The following CNTNAP5 variants were observed in gnomAD, a reference collection of about 807,000 sequenced individuals.
CNTNAP5 encodes contactin-associated protein-like 5.
In CNTNAP5, 72 loss-of-function variants were observed where a neutral mutation model predicts 150.2. The ratio of observed to expected loss-of-function variants is 0.48; its 90% CI spans 0.40 to 0.58. The LOEUF (loss-of-function observed/expected upper bound fraction) is 0.58, where lower values mean the gene tolerates loss of function less well. Ranked by LOEUF, CNTNAP5 falls within the 20% of genes least tolerant of loss-of-function variation. CNTNAP5 has a pLI of 0.00. For synonymous variants in CNTNAP5, 672 were observed against 619.8 expected (o/e 1.08, Z -1.25); for missense variants, 1,636 against 1,626.2 (o/e 1.01, Z -0.10).
intron 3 of CNTNAP5, among the ~76,000 whole-genome samples, chr2:124,410,762 C>A (rs1477330511): frequency 6.6e-6 from 1 of 150,462 alleles, no homozygotes; most frequent in East Asian, 2.0e-4. Context: ...CACTAAATGC[C>A]CACAAGAGAA....
chr2:124,548,993 C>T (rs1031033468), intron 10 of CNTNAP5, among the ~76,000 whole-genome samples: 66 of 152,188 alleles, frequency 4.3e-4, no homozygotes, highest in African/African-American at 1.5e-3. Context: ...AGGGGATGGT[C>T]TCAGACCAGC....
chr2:124,265,166 C>T (rs796449251), intron 3 of CNTNAP5, among the ~76,000 whole-genome samples: 1 of 152,190 alleles, frequency 6.6e-6, no homozygotes, highest in East Asian at 1.9e-4. Context: ...CTCACACTGT[C>T]ACTTCCCCAC....
intron 11 of CNTNAP5, among the ~76,000 whole-genome samples, chr2:124,583,352 A>G (rs1031811564): frequency 1.3e-5 from 2 of 152,238 alleles, no homozygotes; most frequent in African/African-American, 4.8e-5. Context: ...ATATGGTTAT[A>G]TGCTACCAAT....
intron 10 of CNTNAP5, among the ~76,000 whole-genome samples, chr2:124,553,855 C>T (rs975568961): frequency 2.0e-5 from 3 of 152,112 alleles, no homozygotes; most frequent in African/African-American, 7.2e-5. Context: ...CCAGGGTCAG[C>T]TCCCGGGCAT....
chr2:124,034,849 G>A (rs1395660476), intron 1 of CNTNAP5, among the ~76,000 whole-genome samples: 1 of 152,152 alleles, frequency 6.6e-6, no homozygotes, highest in African/African-American at 2.4e-5. Context: ...AGTTGAGAGA[G>A]CCACATTACC....
At chr2:124,130,991 A>G (rs1240788392) in intron 1 of CNTNAP5, among the ~76,000 whole-genome samples, 1 of 152,190 alleles carries the variant, frequency 6.6e-6, no homozygotes, top group East Asian at 1.9e-4. Context: ...TCTGAGAAGA[A>G]TATTCACATA....
chr2:124,114,816 G>C lies in CNTNAP5; in HGVS notation c.82+89084G>C, dbSNP rs560925382. The stretch of plus-strand genomic sequence containing the variant: ...ATATTTGCAATATACCAAACATATG[G>C]ATATATATATTATATGTACATATAT... On this transcript the variant is annotated intron_variant, in intron 1 of 23. Coordinates refer to ENST00000682447, the MANE Select transcript of CNTNAP5 (RefSeq NM_001367498.1). 8.6e-5 allele frequency among the ~76,000 whole-genome samples: 13 copies of C among 151,220 alleles called. No homozygotes were observed. In the East Asian group the frequency reaches 2.5e-3, roughly 29 times the overall value.
At chr2:124,773,448 C>A (rs1257955249) in intron 17 of CNTNAP5, among the ~76,000 whole-genome samples, 1 of 152,138 alleles carries the variant, frequency 6.6e-6, no homozygotes, top group Admixed American at 6.6e-5. Context: ...TATAGTTGAA[C>A]CATTTTAAAG....
chr2:124,600,773 GAGAGAA>G (rs1429613798), intron 11 of CNTNAP5, among the ~76,000 whole-genome samples: 35 of 148,892 alleles, frequency 2.4e-4, no homozygotes, highest in East Asian at 8.1e-4. Context: ...GAGAGAAAGA[GAGAGAA>G]AGAGAGAAGC....
intron 19 of CNTNAP5, among the ~76,000 whole-genome samples, chr2:124,849,085 T>A (rs1485307075): frequency 5.3e-5 from 8 of 152,310 alleles, no homozygotes; most frequent in African/African-American, 1.9e-4. Flanking sequence ...TAAGGAGTTT[T>A]TCCTCCATGT....
intron 6 of CNTNAP5, among the ~76,000 whole-genome samples, chr2:124,456,311 CAATA>C (rs747992261): frequency 2.0e-5 from 3 of 151,674 alleles, no homozygotes; most frequent in Admixed American, 2.0e-4. Flanking sequence ...ACAATAACTG[CAATA>C]AATAAATAAA....
intron 12 of CNTNAP5, among the ~76,000 whole-genome samples, chr2:124,618,430 G>A (rs1677536309): frequency 6.6e-6 from 1 of 152,128 alleles, no homozygotes; most frequent in South Asian, 2.1e-4. Context: ...GGAATTTATA[G>A]TGTAGGGACT....
intron 5 of CNTNAP5, among the ~76,000 whole-genome samples, chr2:124,442,975 C>G (rs989652440): frequency 1.3e-5 from 2 of 152,026 alleles, no homozygotes; most frequent in African/African-American, 4.8e-5. Flanking sequence ...TAAAGGCACT[C>G]CTAGGCATTT....
chr2:124,160,416 A>C (rs1172590168), intron 1 of CNTNAP5, among the ~76,000 whole-genome samples: 2 of 151,590 alleles, frequency 1.3e-5, no homozygotes, highest in Admixed American at 1.3e-4. Context: ...GATAACATTA[A>C]GGTGATCAGA....
intron 3 of CNTNAP5, among the ~76,000 whole-genome samples, chr2:124,303,010 T>G (rs1688602365): frequency 6.6e-6 from 1 of 152,218 alleles, no homozygotes; most frequent in Non-Finnish European, 1.5e-5. Context: ...TTTGCCTACA[T>G]AAAGGGACAA....
chr2:124,164,781 G>C (rs535158689), intron 1 of CNTNAP5, among the ~76,000 whole-genome samples: 6 of 152,274 alleles, frequency 3.9e-5, no homozygotes, highest in Non-Finnish European at 8.8e-5. Context: ...GGAGGCTTTT[G>C]GGTAGGGGTT....
intron 21 of CNTNAP5, among the ~76,000 whole-genome samples, chr2:124,875,001 A>C (rs1370029227): frequency 6.6e-6 from 1 of 152,086 alleles, no homozygotes; most frequent in Non-Finnish European, 1.5e-5. Flanking sequence ...CTCAAGATGC[A>C]TAAAATTTAC....
chr2:124,620,894 G>T (rs1264657956), intron 12 of CNTNAP5, among the ~76,000 whole-genome samples: 1 of 152,088 alleles, frequency 6.6e-6, no homozygotes, highest in African/African-American at 2.4e-5. Context: ...TAGTATGAAT[G>T]ATATTACATA....
chr2:124,268,853 CA>C (rs1687675937), intron 3 of CNTNAP5, among the ~76,000 whole-genome samples: 1 of 152,076 alleles, frequency 6.6e-6, no homozygotes, highest in Non-Finnish European at 1.5e-5. Context: ...GCCCTTTGGT[CA>C]GGAAATTCTG....
Sources: gnomAD v4.1 joint callset for allele counts (sites outside exome capture counted in the v4.1 genomes callset) on GRCh38, gnomAD v4.1.1 for gene constraint, MANE v1.5 for transcripts, NCBI Gene and HGNC (gene_info 2026-07-23, HGNC 2026-07-21) for gene names.